ATG9A: variants seen among roughly 807,000 people sequenced by gnomAD.
The protein encoded by ATG9A is autophagy related 9A.
A neutral mutation model predicts 87.1 loss-of-function variants in ATG9A; 21 were observed. That is an observed-to-expected ratio of 0.24 (90% CI 0.17 to 0.35). The LOEUF (loss-of-function observed/expected upper bound fraction) is 0.35, where lower values mean the gene tolerates loss of function less well. Among genes scored for constraint, ATG9A ranks in the 10% least tolerant of loss-of-function variants. ATG9A has a pLI of 1.00. For missense variants in ATG9A, 836 were observed against 1,107.3 expected (o/e 0.76, Z 3.48); for synonymous variants, 422 against 441.3 (o/e 0.96, Z 0.55).
chr2:219,223,515 G>T lies in ATG9A; in HGVS notation c.1599+70C>A, dbSNP rs2106440076. The T allele has an allele frequency of 6.7e-7, 1 of 1,489,450 alleles. No homozygotes were observed. The highest frequency in any genetic ancestry group is 9.0e-7 in the Non-Finnish European group (1 of 1,110,220). The allele number at this position is 1,489,450 out of a possible 1,614,324, so 92.3% of individuals were successfully genotyped here. A position where few individuals can be genotyped will look rare whatever the true frequency, so the allele number is the denominator to read the frequency against. On this transcript the variant is annotated intron_variant, in intron 10 of 15. Transcript: ENST00000361242. This position sits in a 1 kb window ranked among gnomAD's most constrained non-coding sequence, Gnocchi z 4.7. ...TGTGACTCAGGAGAGGTGTCTTTTT[G>T]CGGTTTTCCCAAAGACACTGTATGT...
rs898781269 is a variant in ATG9A, at chr2:219,222,971, C to G, written c.1600-78G>C. Reference sequence around the variant, plus strand: ...TGCACCTTTCCTGTTAGTGGGGAGGCCTTACCCTTGGAGAACGGAGACCAC... The same window carrying G: ...TGCACCTTTCCTGTTAGTGGGGAGGGCTTACCCTTGGAGAACGGAGACCAC... On this transcript the variant is annotated intron_variant, in intron 10 of 15. Coordinates refer to ENST00000361242, the MANE Select transcript of ATG9A (RefSeq NM_001077198.3). This position sits in a 1 kb window ranked among gnomAD's most constrained non-coding sequence, Gnocchi z 4.3. 4.4e-6 allele frequency: 7 copies of G among 1,575,466 alleles called. No homozygotes were observed. In the East Asian group the frequency reaches 6.8e-5, roughly 15 times the overall value.
chr2:219,220,988 G>C (rs184519514), intron 14 of ATG9A, 92 bp downstream of exon 14: 60 of 1,592,636 alleles, frequency 3.8e-5, no homozygotes, highest in Non-Finnish European at 4.9e-5. Flanking sequence ...CTTTGGGCCT[G>C]TTCTCTCAGA....
intron 4 of ATG9A, among the ~76,000 whole-genome samples, chr2:219,227,383 G>A (rs1294204444): frequency 2.0e-5 from 3 of 152,182 alleles, no homozygotes; most frequent in Non-Finnish European, 4.4e-5. Context: ...TGGGCATCGT[G>A]GCAGGTGCCT....
In ATG9A at chr2:219,221,144, C is replaced by A. The variant is rs750595006; in HGVS notation, c.2304G>T (p.Arg768=). The change falls in exon 14 of 16, where the codon CGG becomes CGT. Residue 768 remains arginine (R), a synonymous_variant. Coordinates refer to ENST00000361242, the MANE Select transcript of ATG9A (RefSeq NM_001077198.3). ...RSASYPCAAP[R]PGAPETTALH... Reference sequence around the variant, plus strand: ...GGGCAGTGGTCTCAGGAGCTCCAGGCCGGGGTGCTGCACAGGGATAGCTAG... The same window carrying A: ...GGGCAGTGGTCTCAGGAGCTCCAGGACGGGGTGCTGCACAGGGATAGCTAG... The A allele has an allele frequency of 8.4e-5, 135 of 1,610,742 alleles. No individual in the cohort carries two copies. The Middle Eastern group carries it at 3.0e-3, about 35-fold the overall frequency.
intron 1 of ATG9A, chr2:219,228,739 G>A (rs987012470): frequency 3.3e-5 from 5 of 152,256 alleles, no homozygotes; most frequent in African/African-American, 1.2e-4. Context: ...ACAGACCTGA[G>A]GCCAGGGGCG....
In ATG9A at chr2:219,224,716, T is replaced by C. The variant is rs770236979; in HGVS notation, c.655A>G (p.Met219Val). Residue 219 changes from methionine (M) to valine (V), a missense_variant, in exon 8 of 16, where the codon ATG (methionine) becomes GTG (valine). Physicochemically the swap from Met to Val is conservative, Grantham distance 21. Around this residue, in one of 2 missense-constraint regions of ATG9A, gnomAD observed 512 missense variants for 759.6 expected, o/e 0.67. Coordinates refer to ENST00000361242, the MANE Select transcript of ATG9A (RefSeq NM_001077198.3). This position sits in a 1 kb window ranked among gnomAD's most constrained non-coding sequence, Gnocchi z 7.7. ...YHRILRFQNYMVALVNKSLLP... is the reference protein window; with the variant it reads ...YHRILRFQNYVVALVNKSLLP... ...AGGGATTTGTTAACCAGTGCCACCA[T>C]GTAGTTCTGGAAACGGAGGATGCGG... is the stretch of plus-strand genomic sequence containing the variant. 8 of 1,614,194 alleles carry C rather than the reference T, an allele frequency of 5.0e-6. No individual in the cohort carries two copies. In the Admixed American group the frequency reaches 5.0e-5, roughly 10 times the overall value.
intron 4 of ATG9A, among the ~76,000 whole-genome samples, chr2:219,227,399 C>T (rs970966983): frequency 6.6e-6 from 1 of 152,140 alleles, no homozygotes; most frequent in East Asian, 1.9e-4. Flanking sequence ...TGCCTGTAAT[C>T]CCAGCTACGT....
rs761159469 is a variant in ATG9A at position 219,226,933 on chromosome 2, C to T, written c.148G>A (p.Val50Ile). 11 of 1,612,844 alleles carry T rather than the reference C, an allele frequency of 6.8e-6. No individual in the cohort carries two copies. Among genetic ancestry groups the T allele is most frequent in the Middle Eastern group, 1.6e-4 (1 of 6,084 alleles). Residue 50 changes from valine to isoleucine, a missense_variant and splice_region_variant, in exon 5 of 16, where the codon GTT becomes ATT. Transcript: ENST00000361242. ...IENLDLFFSR[V>I]YNLHQKNGFT... ...CCATTCTTCTGGTGCAGATTATAAA[C>T]GTGTAATTGTTAAGAAAAAGTAGTC...
At chr2:219,228,106 G>C in intron 2 of ATG9A, 53 bp from the exon 3 acceptor site, 1 of 1,297,432 alleles carries the variant, frequency 7.7e-7, no homozygotes, top group Non-Finnish European at 1.1e-6. Flanking sequence ...TGCTGCCCAT[G>C]GGCTGCCCTG....
Position 219,229,517 on chromosome 2 carries a change from A to G in ATG9A, c.-82+18T>C, listed in dbSNP as rs184053566. On this transcript the variant is annotated intron_variant, in intron 1 of 15. Transcript: ENST00000361242. The surrounding 1 kb of genome is among the most constrained non-coding windows in gnomAD (Gnocchi z 4.2). Reference sequence around the variant, plus strand: ...AGACACGGGGCCTGGGATTCCAATAACCGGTCTCACGTCTTACCTCAGGAA... The same window carrying G: ...AGACACGGGGCCTGGGATTCCAATAGCCGGTCTCACGTCTTACCTCAGGAA... The G allele has an allele frequency of 2.2e-4, 33 of 152,102 alleles. No individual in the cohort carries two copies. The highest frequency in any genetic ancestry group is 7.5e-4 in the African/African-American group (31 of 41,338). 9.4% of individuals were successfully genotyped at this position (152,102 alleles called of 1,614,324 possible).
rs1288241987 is a variant in ATG9A, at chr2:219,223,230, G to T, written c.1600-337C>A. 1.3e-5 allele frequency among the ~76,000 whole-genome samples: 2 copies of T among 152,046 alleles called. No individual in the cohort carries two copies. Among genetic ancestry groups the T allele is most frequent in the Admixed American group, 6.6e-5 (1 of 15,254 alleles). ...AGCCTCCCGAGTAGCTGGGACTACAGGCGCCCGCTACCACGCCTGGCTAAT... is the reference window on the plus strand; with the variant it reads ...AGCCTCCCGAGTAGCTGGGACTACATGCGCCCGCTACCACGCCTGGCTAAT... On this transcript the variant is annotated intron_variant, in intron 10 of 15. Coordinates refer to ENST00000361242, the MANE Select transcript of ATG9A (RefSeq NM_001077198.3). This position sits in a 1 kb window ranked among gnomAD's most constrained non-coding sequence, Gnocchi z 4.7.
intron 14 of ATG9A, 70 bp from the exon 15 acceptor site, chr2:219,220,962 T>C (rs1950745029): frequency 6.4e-7 from 1 of 1,556,076 alleles, no homozygotes; most frequent in East Asian, 2.3e-5. Flanking sequence ...GCTGGGGGGC[T>C]GCTTGGGGGG....
rs546676196 is a variant in ATG9A at position 219,223,060 on chromosome 2, A to G, written c.1600-167T>C. ...CCAGACCCAGGAGGGGCTGCACTGC[A>G]TGCTGAGCCAGTTACTTGTGTTGTG... is the stretch of plus-strand genomic sequence containing the variant. On this transcript the variant is annotated intron_variant, in intron 10 of 15. Transcript: ENST00000361242. The surrounding 1 kb of genome is among the most constrained non-coding windows in gnomAD (Gnocchi z 4.7). 8.7e-5 allele frequency among the ~76,000 whole-genome samples: 13 copies of G among 149,220 alleles called. No individual in the cohort carries two copies. The East Asian group carries it at 2.6e-3, about 30-fold the overall frequency.
rs1950792798 is a variant in ATG9A, at chr2:219,223,030, C to T, written c.1600-137G>A. On this transcript the variant is annotated intron_variant, in intron 10 of 15. Coordinates refer to ENST00000361242, the MANE Select transcript of ATG9A (RefSeq NM_001077198.3). The surrounding 1 kb of genome is among the most constrained non-coding windows in gnomAD (Gnocchi z 4.7). ...GTCAATCTTTCCCAGGGCACTGGTGCCCCCCCAGACCCAGGAGGGGCTGCA... is the reference window on the plus strand; with the variant it reads ...GTCAATCTTTCCCAGGGCACTGGTGTCCCCCCAGACCCAGGAGGGGCTGCA... The T allele has an allele frequency of 1.8e-6, 2 of 1,106,164 alleles. No homozygotes were observed. Among genetic ancestry groups the T allele is most frequent in the African/African-American group, 1.6e-5 (1 of 63,816 alleles). The allele number at this position is 1,106,164 out of a possible 1,614,324, so 68.5% of individuals were successfully genotyped here.
At chr2:219,225,036 G>A (rs749723640) in intron 7 of ATG9A, 35 bp downstream of exon 7, 9 of 1,613,088 alleles carry the variant, frequency 5.6e-6, no homozygotes, top group Non-Finnish European at 6.8e-6. Flanking sequence ...ATACGTCTTA[G>A]ACTATGGGCT....
rs373511038 is a variant in ATG9A, at chr2:219,224,834, C to G, written c.537G>C (p.Thr179=). The G allele has an allele frequency of 5.3e-5, 86 of 1,611,652 alleles. No homozygotes were observed. Among genetic ancestry groups the G allele is most frequent in the Non-Finnish European group, 7.0e-5 (82 of 1,179,474 alleles). Residue 179 remains threonine, a synonymous_variant, in exon 8 of 16, where the codon ACG becomes ACC. Coordinates refer to ENST00000361242, the MANE Select transcript of ATG9A (RefSeq NM_001077198.3). The surrounding 1 kb of genome is among the most constrained non-coding windows in gnomAD (Gnocchi z 7.7). ...CGATCCGGGCCTGCACTTCTTGCCA[C>G]GTGCAATACGGAAGGGCAGACTGCG... ...RIPMSALPYC[T]WQEVQARIVQ... is the part of the protein sequence containing the mutation.
In ATG9A at chr2:219,225,222, A is replaced by G; in HGVS notation, c.375-10T>C. On this transcript the variant is annotated splice_polypyrimidine_tract_variant and intron_variant, in intron 6 of 15. Coordinates refer to ENST00000361242, the MANE Select transcript of ATG9A (RefSeq NM_001077198.3). Reference sequence around the variant, plus strand: ...GCCATTTTCCTGAATCCTGGTGGGGAAAAAGAAGGGGAGGAGAGGTGGCCC... The same window carrying G: ...GCCATTTTCCTGAATCCTGGTGGGGGAAAAGAAGGGGAGGAGAGGTGGCCC... The G allele has an allele frequency of 6.2e-7, 1 of 1,613,950 alleles. No individual in the cohort carries two copies. Among genetic ancestry groups the G allele is most frequent in the Non-Finnish European group, 8.5e-7 (1 of 1,179,934 alleles).
Position 219,224,009 on chromosome 2 carries a change from C to T in ATG9A, c.1279G>A (p.Asp427Asn), listed in dbSNP as rs759612416. The T allele has an allele frequency of 5.8e-5, 94 of 1,611,240 alleles. No individual in the cohort carries two copies. The highest frequency in any genetic ancestry group is 7.6e-5 in the Non-Finnish European group (89 of 1,178,430). ...TVTVCRSFIP[D>N]QHMVFCPEQL... ...TCAGGGCAGAACACCATGTGCTGGT[C>T]CGGGATAAAGGACCTAGTGGGATCA... The change falls in exon 9 of 16, where the codon GAC becomes AAC. Residue 427 changes from aspartate (D) to asparagine (N), a missense_variant. Physicochemically the swap from Asp to Asn is conservative, Grantham distance 23. Coordinates refer to ENST00000361242, the MANE Select transcript of ATG9A (RefSeq NM_001077198.3). The surrounding 1 kb of genome is among the most constrained non-coding windows in gnomAD (Gnocchi z 7.7).
At chr2:219,226,411 G>A (rs138532163) in intron 5 of ATG9A, among the ~76,000 whole-genome samples, 2,581 of 152,258 alleles carry the variant, frequency 0.017, 82 homozygotes, top group African/African-American at 0.057. Flanking sequence ...TTGGCCGGGC[G>A]TGGTGGCTCA....
Sources: allele counts gnomAD v4.1 joint callset (sites outside exome capture counted in the v4.1 genomes callset), GRCh38; gene constraint gnomAD v4.1.1; regional missense constraint gnomAD v4.1.1; non-coding constraint Gnocchi (gnomAD v3.1); transcripts MANE v1.5; gene names NCBI Gene and HGNC (gene_info 2026-07-23, HGNC 2026-07-21).